HUWE1: variants seen among roughly 807,000 people sequenced by gnomAD.
HUWE1 encodes HECT, UBA and WWE domain containing E3 ubiquitin protein ligase 1, also known as E3 ubiquitin-protein ligase HUWE1.
In HUWE1, 18 loss-of-function variants were observed where a neutral mutation model predicts 299.4. The ratio of observed to expected loss-of-function variants is 0.06; its 90% CI spans 0.04 to 0.09. The LOEUF (loss-of-function observed/expected upper bound fraction) is 0.09, where lower values mean the gene tolerates loss of function less well. HUWE1 is among the 10% of genes least tolerant of loss of function. The pLI is 1.00. For missense variants in HUWE1, 1,832 were observed against 3,462.3 expected (o/e 0.53, Z 11.82); for synonymous variants, 1,317 against 1,286.1 (o/e 1.02, Z -0.51).
chrX:53,595,342 C>T lies in HUWE1; in HGVS notation c.3225G>A (p.Val1075=), dbSNP rs782057615. 8.3e-7 allele frequency: 1 copy of T among 1,211,282 alleles called. No individual in the cohort carries two copies. Among genetic ancestry groups the T allele is most frequent in the South Asian group, 1.8e-5 (1 of 56,920 alleles). ...TCCTTCTCTGGCGGACAGGAGATCCCACACAAAGTTTAACAAGAAGTCCAA... is the reference window on the plus strand; with the variant it reads ...TCCTTCTCTGGCGGACAGGAGATCCTACACAAAGTTTAACAAGAAGTCCAA... ...ELFGLLVKLC[V]GSPVRQRRSH... The change falls in exon 30 of 84, where the codon GTG becomes GTA. Residue 1075 remains valine, a synonymous_variant. Transcript: ENST00000262854.
At chrX:53,577,530 TC>T (rs1556960249) in intron 43 of HUWE1, among the ~76,000 whole-genome samples, 1 of 96,664 alleles carries the variant, frequency 1.0e-5, no homozygotes, top group Admixed American at 1.1e-4. Context: ...TCCCTCCCTC[TC>T]CCCACGGTCT....
chrX:53,593,611 A>T lies in HUWE1; in HGVS notation c.3504-10T>A. ...AGCCCAGTTGAAAGTTCTAAATTCA[A>T]ATAAGGAAAAGTAGACAGAATATTA... On this transcript the variant is annotated splice_polypyrimidine_tract_variant and intron_variant, in intron 31 of 83. Coordinates refer to ENST00000262854, the MANE Select transcript of HUWE1 (RefSeq NM_031407.7). 1 of 1,156,130 alleles carries T rather than the reference A, an allele frequency of 8.6e-7. No individual in the cohort carries two copies. The highest frequency in any genetic ancestry group is 1.2e-6 in the Non-Finnish European group (1 of 844,772).
At chrX:53,615,940 G>C in intron 21 of HUWE1, 105 bp from the exon 22 acceptor site, 1 of 596,683 alleles carries the variant, frequency 1.7e-6, no homozygotes, top group Non-Finnish European at 2.8e-6. Flanking sequence ...ACTGAGCCTG[G>C]TTATGATTTT....
chrX:53,541,762 T>G (rs1169157232), intron 74 of HUWE1, among the ~76,000 whole-genome samples: 6 of 111,880 alleles, frequency 5.4e-5, no homozygotes, highest in African/African-American at 9.8e-5. Context: ...GCTACTCAGA[T>G]AGCCAAGGCA....
intron 8 of HUWE1, 93 bp from the exon 9 acceptor site, chrX:53,632,657 G>C: frequency 1.2e-5 from 8 of 652,399 alleles, no homozygotes; most frequent in South Asian, 9.1e-5. Flanking sequence ...CTAGCCACTT[G>C]TTCAACTTAT....
intron 7 of HUWE1, among the ~76,000 whole-genome samples, chrX:53,643,373 G>C (rs148645633): frequency 3.3e-3 from 361 of 108,634 alleles, no homozygotes; most frequent in African/African-American, 0.012. Flanking sequence ...TTTTGAGATA[G>C]AGTCTTGCTC....
intron 50 of HUWE1, 130 bp downstream of exon 50, chrX:53,564,937 C>A (rs1365608507): frequency 2.4e-6 from 2 of 832,894 alleles, no homozygotes; most frequent in Non-Finnish European, 3.6e-6. Context: ...CAGATTCCCA[C>A]GCCACTATGA....
chrX:53,611,473 T>C (rs1213547137), intron 23 of HUWE1, among the ~76,000 whole-genome samples: 1 of 111,829 alleles, frequency 8.9e-6, no homozygotes, highest in Non-Finnish European at 1.9e-5. Flanking sequence ...GGAATAGACA[T>C]AATAATATGA....
At position 53,600,290 on chromosome X, in the gene HUWE1, T is replaced by C. The variant is rs782137847; in HGVS notation, c.2991A>G (p.Ala997=). The C allele has an allele frequency of 5.8e-6, 7 of 1,205,882 alleles. No homozygotes were observed. Among genetic ancestry groups the C allele is most frequent in the Non-Finnish European group, 5.6e-6 (5 of 891,111 alleles). Residue 997 remains alanine, a synonymous_variant, in exon 29 of 84, where the codon GCA becomes GCG. Transcript: ENST00000262854. The part of the protein sequence containing the change: ...GKRSDGEQDG[A]AGSMDASTQG... ...GGGTAGAAGCATCCATACTTCCAGC[T>C]GCTCCATCCTGTTCCCCATCTACAG... is the stretch of plus-strand genomic sequence containing the variant.
Position 53,536,464 on chromosome X carries a change from A to T in HUWE1, c.12341T>A (p.Val4114Glu). The T allele has an allele frequency of 8.3e-7, 1 of 1,211,308 alleles. No individual in the cohort carries two copies. Among genetic ancestry groups the T allele is most frequent in the Non-Finnish European group, 1.1e-6 (1 of 895,123 alleles). Residue 4114 changes from valine (V) to glutamate (E), a missense_variant, in exon 79 of 84, where the codon GTG becomes GAG. By Grantham distance (121) the Val-to-Glu change is moderately radical. Transcript: ENST00000262854. ...ACGGTTGTCATATACAGCTTTGGCC[A>T]CAATGCGTCCGACAAACTTGAAGTA... is the stretch of plus-strand genomic sequence containing the variant. Reference protein sequence around the residue: ...LSYFKFVGRIVAKAVYDNRLL... With the variant: ...LSYFKFVGRIEAKAVYDNRLL...
chrX:53,586,844 G>A lies in HUWE1; in HGVS notation c.4680C>T (p.Leu1560=). The A allele has an allele frequency of 8.3e-7, 1 of 1,210,763 alleles. No individual in the cohort carries two copies. The highest frequency in any genetic ancestry group is 3.0e-5 in the East Asian group (1 of 33,831). Residue 1560 remains leucine, a synonymous_variant, in exon 38 of 84, where the codon CTC becomes CTT. Transcript: ENST00000262854. The part of the protein sequence containing the change: ...SSGILNVLIK[L]LEVVQPCLQA... Reference sequence around the variant, plus strand: ...GGAGGCAGGGCTGAACCACTTCCAAGAGTTTGATTAGGACATTAAGGATGC... The same window carrying A: ...GGAGGCAGGGCTGAACCACTTCCAAAAGTTTGATTAGGACATTAAGGATGC...
At chrX:53,597,546 AGGCCT>A (rs1388668409) in intron 29 of HUWE1, among the ~76,000 whole-genome samples, 2 of 86,554 alleles carry the variant, frequency 2.3e-5, no homozygotes, top group Non-Finnish European at 4.5e-5. Flanking sequence ...TTGTACAAGA[AGGCCT>A]GGGCAACAAG....
At chrX:53,620,081 T>C (rs1343879698) in intron 19 of HUWE1, among the ~76,000 whole-genome samples, 1 of 111,253 alleles carries the variant, frequency 9.0e-6, no homozygotes, top group African/African-American at 3.3e-5. Context: ...TACAGACCCA[T>C]TCTTGGCTTA....
chrX:53,542,416 C>G (rs782417089), intron 74 of HUWE1, 27 bp downstream of exon 74: 5 of 1,011,249 alleles, frequency 4.9e-6, no homozygotes, highest in Non-Finnish European at 5.6e-6. Context: ...CCCTTTTGCT[C>G]GGCTGGAAAC....
At chrX:53,683,629 G>A (rs965980144) in intron 2 of HUWE1, among the ~76,000 whole-genome samples, 4 of 111,852 alleles carry the variant, frequency 3.6e-5, no homozygotes, top group Non-Finnish European at 5.7e-5. Flanking sequence ...CGAGGCCCAG[G>A]AAATGGTGTC....
At chrX:53,566,133 G>GTGTGTGTGTA (rs782815282) in intron 49 of HUWE1, among the ~76,000 whole-genome samples, 24 of 38,961 alleles carry the variant, frequency 6.2e-4, no homozygotes, top group South Asian at 2.8e-3. Flanking sequence ...GTGTGTGTGT[G>GTGTGTGTGTA]TATATATATA....
Position 53,607,505 on chromosome X carries a change from T to G in HUWE1, c.2496+18A>C. ...ATTTCCAGAAAGAAATGAAAACATT[T>G]GGCCAGATGCTTCTTACCAATATGG... On this transcript the variant is annotated intron_variant, in intron 25 of 83. Coordinates refer to ENST00000262854, the MANE Select transcript of HUWE1 (RefSeq NM_031407.7). The G allele has an allele frequency of 8.3e-7, 1 of 1,203,372 alleles. No individual in the cohort carries two copies. The highest frequency in any genetic ancestry group is 1.1e-6 in the Non-Finnish European group (1 of 888,150).
Position 53,533,121 on chromosome X carries a change from C to T in HUWE1, c.*188G>A, listed in dbSNP as rs1030987067. 17 of 440,223 alleles carry T rather than the reference C, an allele frequency of 3.9e-5. No homozygotes were observed. Among genetic ancestry groups the T allele is most frequent in the Admixed American group, 3.2e-4 (8 of 25,087 alleles). The allele number at this position is 440,223 out of a possible 1,213,427, so 36.3% of individuals were successfully genotyped here. The stretch of plus-strand genomic sequence containing the variant: ...AGGGGAGAGAAGGTGAGGAAACAGG[C>T]GGCGGGGAGAGAATGAGAAGAGGAA... On this transcript the variant is annotated 3_prime_UTR_variant, in exon 84 of 84. Coordinates refer to ENST00000262854, the MANE Select transcript of HUWE1 (RefSeq NM_031407.7).
chrX:53,572,964 C>A (rs1556953182), intron 47 of HUWE1, among the ~76,000 whole-genome samples: 1 of 111,337 alleles, frequency 9.0e-6, no homozygotes, highest in East Asian at 2.8e-4. Flanking sequence ...AAAACCCCCA[C>A]AAATCAAGAA....
Sources: allele counts gnomAD v4.1 joint callset (sites outside exome capture counted in the v4.1 genomes callset), GRCh38; gene constraint gnomAD v4.1.1; transcripts MANE v1.5; gene names NCBI Gene and HGNC (gene_info 2026-07-23, HGNC 2026-07-21).